RNF216: variants seen among roughly 807,000 people sequenced by gnomAD.
The protein encoded by RNF216 is ring finger protein 216.
RNF216 carries 72 observed loss-of-function variants against 110.8 expected under a neutral mutation model. That is an observed-to-expected ratio of 0.65 (90% CI 0.54 to 0.79). RNF216 has a LOEUF of 0.79. RNF216 is among the 30% of genes least tolerant of loss of function. RNF216 has a pLI of 0.00. For synonymous variants in RNF216, 495 were observed against 407.5 expected, an observed-to-expected ratio of 1.21 and a Z score of -2.59; for missense variants, 1,342 against 1,141.2, an observed-to-expected ratio of 1.18 and a Z score of -2.54.
chr7:5,674,972 G>C (rs1338025585), intron 13 of RNF216, among the ~76,000 whole-genome samples: 1 of 152,102 alleles, frequency 6.6e-6, no homozygotes, highest in Non-Finnish European at 1.5e-5. Flanking sequence ...ACTCCAGCCT[G>C]GGCGACAGAG....
intron 13 of RNF216, among the ~76,000 whole-genome samples, chr7:5,672,366 A>G (rs916725857): frequency 6.6e-6 from 1 of 152,232 alleles, no homozygotes; most frequent in Non-Finnish European, 1.5e-5. Flanking sequence ...ATATAAAAGG[A>G]TCCCACTCTG....
intron 5 of RNF216, among the ~76,000 whole-genome samples, chr7:5,736,242 C>T (rs576106589): frequency 2.0e-5 from 3 of 152,314 alleles, no homozygotes; most frequent in Admixed American, 1.3e-4. Flanking sequence ...CTCAGCCTGC[C>T]GAGTGCCTGT....
intron 8 of RNF216, 71 bp downstream of exon 8, chr7:5,725,253 C>T (rs1458515402): frequency 8.6e-6 from 8 of 926,436 alleles, no homozygotes; most frequent in Admixed American, 1.9e-5. Flanking sequence ...GCACGGCTTC[C>T]TTCACTGACT....
chr7:5,753,062 G>C (rs749061447), intron 2 of RNF216, 83 bp from the exon 3 acceptor site: 6 of 1,432,812 alleles, frequency 4.2e-6, no homozygotes, highest in Non-Finnish European at 5.6e-6. Flanking sequence ...CAGGGGTACA[G>C]CCTAAAGCCA....
chr7:5,762,641 G>A (rs1584598207), intron 1 of RNF216, among the ~76,000 whole-genome samples: 2 of 151,198 alleles, frequency 1.3e-5, no homozygotes, highest in African/African-American at 2.4e-5. Context: ...GCAGTGAGCC[G>A]AGATCACACC....
At chr7:5,660,265 CTTTTTTTTTTTTTTTTTTTTTTTTTTTTT>C (rs66617363) in intron 13 of RNF216, among the ~76,000 whole-genome samples, 31 of 33,654 alleles carry the variant, frequency 9.2e-4, no homozygotes, top group East Asian at 2.6e-3. Context: ...GTTTTAAATT[CTTTTTTTTTTTTTTTTTTTTTTTTTTTTT>C]TTTTTTTTTT....
intron 2 of RNF216, among the ~76,000 whole-genome samples, chr7:5,757,420 G>A (rs928287986): frequency 6.6e-6 from 1 of 151,860 alleles, no homozygotes; most frequent in African/African-American, 2.4e-5. Flanking sequence ...TTTTGTGTGT[G>A]TGTGTGGCTA....
At chr7:5,654,447 G>A (rs1363991514) in intron 13 of RNF216, among the ~76,000 whole-genome samples, 1 of 152,022 alleles carries the variant, frequency 6.6e-6, no homozygotes, top group East Asian at 1.9e-4. Context: ...AGCACTTTGG[G>A]AGGCCAAGGC....
intron 13 of RNF216, among the ~76,000 whole-genome samples, chr7:5,656,834 G>A (rs968852822): frequency 2.2e-4 from 33 of 152,312 alleles, no homozygotes; most frequent in African/African-American, 7.5e-4. Context: ...CATGATGGGA[G>A]CTGAAATTTC....
intron 13 of RNF216, among the ~76,000 whole-genome samples, chr7:5,654,291 G>A (rs1036115056): frequency 1.5e-4 from 23 of 152,088 alleles, no homozygotes; most frequent in African/African-American, 5.1e-4. Context: ...TACTATATGT[G>A]TACTATCTAA....
intron 5 of RNF216, among the ~76,000 whole-genome samples, chr7:5,736,389 C>T (rs1374974215): frequency 2.0e-5 from 3 of 152,186 alleles, no homozygotes; most frequent in African/African-American, 7.2e-5. Flanking sequence ...CCCGAGGTGC[C>T]GGGATTGCAG....
At chr7:5,759,602 G>A (rs1044629675) in intron 2 of RNF216, among the ~76,000 whole-genome samples, 4 of 148,704 alleles carry the variant, frequency 2.7e-5, no homozygotes, top group East Asian at 2.0e-4. Flanking sequence ...TAGGCTATTC[G>A]TACTTAAGTT....
intron 15 of RNF216, among the ~76,000 whole-genome samples, chr7:5,638,788 C>T (rs73338039): frequency 0.013 from 2,044 of 152,020 alleles, 43 homozygotes; most frequent in African/African-American, 0.047. Context: ...CAGGTGAGCA[C>T]CACATCTGGC....
rs1047912972 is a variant in RNF216, at chr7:5,624,331, A to C, written c.2383-206T>G. ...ATCAGCCTGATGGCGTTCCACAAGG[A>C]GGCCATCCACAAGGCTGGGCAGAGG... On this transcript the variant is annotated intron_variant, in intron 15 of 16. Transcript: ENST00000389902. The surrounding 1 kb of genome is among the most constrained non-coding windows in gnomAD (Gnocchi z 4.4). Among the ~76,000 whole-genome samples, 5 of 152,160 alleles carry C rather than the reference A, an allele frequency of 3.3e-5. No individual in the cohort carries two copies. The highest frequency in any genetic ancestry group is 5.9e-5 in the Non-Finnish European group (4 of 68,032).
At chr7:5,740,822 G>T in intron 4 of RNF216, 151 bp downstream of exon 4, 1 of 664,700 alleles carries the variant, frequency 1.5e-6, no homozygotes, top group Non-Finnish European at 2.3e-6. Flanking sequence ...TGTCTTCAGA[G>T]TGTCTCTTCT....
intron 3 of RNF216, among the ~76,000 whole-genome samples, chr7:5,747,335 G>C (rs1281528201): frequency 2.6e-5 from 4 of 152,276 alleles, no homozygotes; most frequent in South Asian, 4.1e-4. Context: ...GCTAACACAT[G>C]GTGGGACCAG....
At chr7:5,717,301 C>T (rs371634763) in intron 9 of RNF216, among the ~76,000 whole-genome samples, 40 of 152,246 alleles carry the variant, frequency 2.6e-4, no homozygotes, top group African/African-American at 8.9e-4. Context: ...TGCAGTGAGC[C>T]GAAATCGCAC....
At chr7:5,633,575 A>T (rs2128560909) in intron 15 of RNF216, among the ~76,000 whole-genome samples, 1 of 151,284 alleles carries the variant, frequency 6.6e-6, no homozygotes, top group African/African-American at 2.4e-5. Flanking sequence ...ACTCCCTCTC[A>T]AACAAAACAA....
Position 5,624,127 on chromosome 7 carries a change from TAA to T in RNF216, c.2383-4_2383-3del. On this transcript the variant is annotated splice_polypyrimidine_tract_variant and splice_region_variant and intron_variant, in intron 15 of 16. Coordinates refer to ENST00000389902, the MANE Select transcript of RNF216 (RefSeq NM_207111.4). This position sits in a 1 kb window ranked among gnomAD's most constrained non-coding sequence, Gnocchi z 4.4. ...CTCAATAAGCTTCTCATCATCTTCC[TAA>T]AACGCAAGCAATGAGAAGGATGAAC... 1 of 1,613,006 alleles carries T rather than the reference TAA, an allele frequency of 6.2e-7. No homozygotes were observed.
Sources: allele counts gnomAD v4.1 joint callset (sites outside exome capture counted in the v4.1 genomes callset), GRCh38; gene constraint gnomAD v4.1.1; non-coding constraint Gnocchi (gnomAD v3.1); transcripts MANE v1.5; gene names NCBI Gene and HGNC (gene_info 2026-07-23, HGNC 2026-07-21).